Variants in NARS2 observed in about 807,000 individuals in gnomAD.
NARS2 encodes the protein asparaginyl-tRNA synthetase 2, mitochondrial, also known as asparaginyl-tRNA synthetase.
NARS2 carries 60 observed loss-of-function variants against 62.9 expected under a neutral mutation model. That is an observed-to-expected ratio of 0.95 (90% CI 0.77 to 1.18). The LOEUF (loss-of-function observed/expected upper bound fraction) is 1.18, where lower values mean the gene tolerates loss of function less well. Ranked by LOEUF, NARS2 falls within the 50% of genes most tolerant of loss-of-function variation. The pLI is 0.00. For synonymous variants in NARS2, 196 were observed against 200.0 expected, an observed-to-expected ratio of 0.98 and a Z score of 0.17; for missense variants, 619 against 576.4, an observed-to-expected ratio of 1.07 and a Z score of -0.76.
At position 78,524,686 on chromosome 11, in the gene NARS2, T is replaced by TA. The variant is rs915553665; in HGVS notation, c.689+4155dup. 5.1e-4 allele frequency among the ~76,000 whole-genome samples: 75 copies of TA among 146,844 alleles called. No homozygotes were observed. The Middle Eastern group carries it at 0.017, about 34-fold the overall frequency. On this transcript the variant is annotated intron_variant, in intron 6 of 13. Coordinates refer to ENST00000281038, the MANE Select transcript of NARS2 (RefSeq NM_024678.6). ...AAAACTCACTTAGCTTTCTCTAGTT[T>TA]AAAAAAAAAAACTCTGTCTACTGAA...
At chr11:78,436,911 G>A in intron 13 of NARS2, 97 bp from the exon 14 acceptor site, 1 of 1,264,492 alleles carries the variant, frequency 7.9e-7, no homozygotes, top group East Asian at 2.3e-5. Context: ...GCAATCATTT[G>A]TTATTGTTTA....
At chr11:78,551,013 A>G (rs1482614494) in intron 5 of NARS2, among the ~76,000 whole-genome samples, 1 of 152,234 alleles carries the variant, frequency 6.6e-6, no homozygotes. Flanking sequence ...GAAAAGTTTC[A>G]GAAGAGGCAA....
intron 11 of NARS2, among the ~76,000 whole-genome samples, chr11:78,444,723 A>AAAAC (rs1555008608): frequency 2.8e-5 from 4 of 144,668 alleles, no homozygotes; most frequent in African/African-American, 1.1e-4. Context: ...TGTCTCAAAC[A>AAAAC]AAACAAAAAA....
chr11:78,539,815 T>C (rs566879780), intron 5 of NARS2, among the ~76,000 whole-genome samples: 1 of 152,330 alleles, frequency 6.6e-6, no homozygotes, highest in Admixed American at 6.5e-5. Flanking sequence ...CTAAGCCTTT[T>C]CCTGCAATCT....
chr11:78,540,020 T>A (rs767273107), intron 5 of NARS2, among the ~76,000 whole-genome samples: 1 of 152,218 alleles, frequency 6.6e-6, no homozygotes, highest in Non-Finnish European at 1.5e-5. Context: ...CCTCCCATCC[T>A]AAACAGTCCA....
chr11:78,469,111 T>A (rs768668813), intron 10 of NARS2, 136 bp downstream of exon 10: 8 of 580,710 alleles, frequency 1.4e-5, no homozygotes, highest in African/African-American at 5.6e-5. Context: ...ATCTTAAGTC[T>A]GTGTACAAAT....
chr11:78,536,076 T>C (rs547534963), intron 5 of NARS2, among the ~76,000 whole-genome samples: 14 of 152,316 alleles, frequency 9.2e-5, no homozygotes, highest in Non-Finnish European at 1.8e-4. Context: ...TGTTCAACAA[T>C]GGACTGTAGA....
intron 7 of NARS2, among the ~76,000 whole-genome samples, chr11:78,483,040 C>T (rs1005901742): frequency 6.6e-6 from 1 of 152,128 alleles, no homozygotes; most frequent in Non-Finnish European, 1.5e-5. Flanking sequence ...GCTTATCCAC[C>T]ACGATCAAGT....
chr11:78,529,202 C>G (rs1861397266), intron 5 of NARS2, among the ~76,000 whole-genome samples: 1 of 152,038 alleles, frequency 6.6e-6, no homozygotes, highest in South Asian at 2.1e-4. Context: ...ATACTTCCCC[C>G]TAAAAAGTGA....
chr11:78,538,822 C>T (rs984962933), intron 5 of NARS2, among the ~76,000 whole-genome samples: 5 of 150,802 alleles, frequency 3.3e-5, no homozygotes, highest in African/African-American at 9.8e-5. Flanking sequence ...GGTGAAACCC[C>T]GTCTCTACTA....
intron 6 of NARS2, among the ~76,000 whole-genome samples, chr11:78,515,831 T>A (rs183492431): frequency 6.6e-6 from 1 of 152,224 alleles, no homozygotes. Flanking sequence ...GCCTGAACTG[T>A]GTACTTTTAA....
chr11:78,511,577 C>T (rs1044240042), intron 6 of NARS2, among the ~76,000 whole-genome samples: 5 of 151,954 alleles, frequency 3.3e-5, no homozygotes, highest in African/African-American at 9.7e-5. Flanking sequence ...ATTAGCCGGG[C>T]GTGGTGGCAG....
intron 8 of NARS2, 47 bp from the exon 9 acceptor site, chr11:78,478,522 C>A: frequency 7.9e-7 from 1 of 1,259,424 alleles, no homozygotes; most frequent in South Asian, 1.5e-5. Context: ...TAATTTTATT[C>A]ATTATGTATA....
chr11:78,542,209 C>T (rs1214830035), intron 5 of NARS2, among the ~76,000 whole-genome samples: 1 of 152,170 alleles, frequency 6.6e-6, no homozygotes, highest in Admixed American at 6.5e-5. Flanking sequence ...GTTATTAAGT[C>T]AGACTGTTTG....
At chr11:78,513,859 C>T (rs912057028) in intron 6 of NARS2, among the ~76,000 whole-genome samples, 1 of 152,032 alleles carries the variant, frequency 6.6e-6, no homozygotes, top group African/African-American at 2.4e-5. Context: ...GTTTCTGGAT[C>T]ATAGGGGTGG....
chr11:78,546,495 TATTTTACTTTTAG>T (rs1180814068), intron 5 of NARS2: 2 of 152,244 alleles, frequency 1.3e-5, no homozygotes, highest in Non-Finnish European at 2.9e-5. Context: ...ACATATTCTC[TATTTTACTTTTAG>T]ATTTATTGTC....
chr11:78,525,558 A>G (rs1861266525), intron 6 of NARS2, among the ~76,000 whole-genome samples: 2 of 152,188 alleles, frequency 1.3e-5, no homozygotes. Context: ...CAAGTCTATT[A>G]AGATATAAAT....
At chr11:78,549,954 A>G (rs1247870964) in intron 5 of NARS2, among the ~76,000 whole-genome samples, 1 of 152,230 alleles carries the variant, frequency 6.6e-6, no homozygotes, top group East Asian at 1.9e-4. Context: ...CTTTTAAGGC[A>G]AAAGACTTAA....
chr11:78,493,089 C>T lies in NARS2; in HGVS notation c.796G>A (p.Val266Ile), dbSNP rs763199651. Residue 266 changes from valine to isoleucine, a missense_variant, in exon 7 of 14, where the codon GTT becomes ATT. Coordinates refer to ENST00000281038, the MANE Select transcript of NARS2 (RefSeq NM_024678.6). ...TGCATAAGATCTTGAAGGCTGTCAA[C>T]AAAAGAAATCTCTGCTTCTATCATA... ...FYMIEAEISF[V>I]DSLQDLMQVI... The T allele has an allele frequency of 1.2e-6, 2 of 1,613,218 alleles. No homozygotes were observed. Among genetic ancestry groups the T allele is most frequent in the Non-Finnish European group, 1.7e-6 (2 of 1,179,728 alleles).
Sources: gnomAD v4.1 joint callset for allele counts (sites outside exome capture counted in the v4.1 genomes callset) on GRCh38, gnomAD v4.1.1 for gene constraint, MANE v1.5 for transcripts, NCBI Gene and HGNC (gene_info 2026-07-23, HGNC 2026-07-21) for gene names.